TTN: variants seen among roughly 807,000 people sequenced by gnomAD.
TTN encodes titin.
TTN carries 1,525 observed loss-of-function variants against 3,223.0 expected under a neutral mutation model. That is an observed-to-expected ratio of 0.47 (90% confidence interval 0.45 to 0.49). TTN has a LOEUF of 0.49. TTN is among the 20% of genes least tolerant of loss of function. The probability of loss-of-function intolerance (pLI) is 0.00; values close to 1 mark genes in which losing one functional copy is unlikely to be tolerated. For missense variants in TTN, 40,786 were observed against 43,424.0 expected, an observed-to-expected ratio of 0.94 and a Z score of 5.40; for synonymous variants, 14,094 against 15,161.0, an observed-to-expected ratio of 0.93 and a Z score of 5.17.
In TTN at chr2:178,738,147, T is replaced by C; in HGVS notation, c.14306A>G (p.Glu4769Gly). ...ILRTQVVDCG[E>G]YTCKASNEYG... ...CTCATTGGAAGCTTTGCATGTATAC[T>C]CGCCGCAGTCAACCACCTGGGTTCT... The change falls in exon 49 of 363, where the codon GAG becomes GGG. Residue 4769 changes from glutamate (E) to glycine (G), a missense_variant. Coordinates refer to ENST00000589042, the MANE Select transcript of TTN (RefSeq NM_001267550.2). 6.2e-7 allele frequency: 1 copy of C among 1,613,820 alleles called. No homozygotes were observed. Among genetic ancestry groups the C allele is most frequent in the East Asian group, 2.2e-5 (1 of 44,854 alleles).
At chr2:178,627,428 T>G (rs922174307) in intron 240 of TTN, among the ~76,000 whole-genome samples, 2 of 152,036 alleles carry the variant, frequency 1.3e-5, no homozygotes, top group African/African-American at 4.8e-5. Context: ...AGACTTAATT[T>G]AAACAAAATC....
At position 178,591,106 on chromosome 2, in the gene TTN, A is replaced by G; in HGVS notation, c.60619T>C (p.Tyr20207His). Residue 20207 changes from tyrosine (Y) to histidine (H), a missense_variant, in exon 304 of 363, where the codon TAT (tyrosine) becomes CAT (histidine). By Grantham distance (83) the Tyr-to-His change is moderately conservative (BLOSUM62 2). Transcript: ENST00000589042. ...CTTGTATCTTGTTTCTCAACAATAT[A>G]ATTTATCACAGGGCTTCCTCCATCA... ...KDDGGSPVIN[Y>H]IVEKQDTRKD... 6.2e-7 allele frequency: 1 copy of G among 1,613,276 alleles called. No individual in the cohort carries two copies. Among genetic ancestry groups the G allele is most frequent in the Non-Finnish European group, 8.5e-7 (1 of 1,179,530 alleles).
chr2:178,528,860 C>T lies in TTN; in HGVS notation c.106891G>A (p.Ala35631Thr). ...ACCCATTTCACATCAGTGGCACCAG[C>T]AATGTTGGCTTTTAAAACCAGTCTT... ...GQRLVLKANI[A>T]GATDVKWVLN... Residue 35631 changes from alanine to threonine, a missense_variant, in exon 360 of 363, where the codon GCT (alanine) becomes ACT (threonine). Physicochemically the swap from Ala to Thr is moderately conservative, Grantham distance 58. Coordinates refer to ENST00000589042, the MANE Select transcript of TTN (RefSeq NM_001267550.2). 1.2e-6 allele frequency: 2 copies of T among 1,613,990 alleles called. No individual in the cohort carries two copies. Among genetic ancestry groups the T allele is most frequent in the Non-Finnish European group, 8.5e-7 (1 of 1,179,876 alleles).
chr2:178,736,765 G>A (rs894043391), intron 49 of TTN, among the ~76,000 whole-genome samples: 2 of 151,986 alleles, frequency 1.3e-5, no homozygotes, highest in African/African-American at 2.4e-5. Flanking sequence ...ACTTCCAAAC[G>A]CGTCAGTATG....
intron 83 of TTN, 39 bp from the exon 84 acceptor site, chr2:178,719,012 A>C (rs773806319): frequency 6.5e-7 from 1 of 1,534,326 alleles, no homozygotes; most frequent in African/African-American, 1.4e-5. Flanking sequence ...AAAGAGAAGA[A>C]AGAAATCCAA....
rs2075208868 is a variant in TTN at position 178,702,642 on chromosome 2, T to G, written c.30245A>C (p.Lys10082Thr). ...RIEAEPIQFT[K>T]RIQNIVVSEH... ...ACTCACCACGATGTTCTGTATGCGC[T>G]TTGTAAACTGAATTGGTTCAGCTGT... Residue 10082 changes from lysine to threonine, a missense_variant, in exon 107 of 363, where the codon AAG (lysine) becomes ACG (threonine). Coordinates refer to ENST00000589042, the MANE Select transcript of TTN (RefSeq NM_001267550.2). The G allele has an allele frequency of 6.2e-7, 1 of 1,613,364 alleles. No individual in the cohort carries two copies. The highest frequency in any genetic ancestry group is 1.3e-5 in the African/African-American group (1 of 74,900).
intron 6 of TTN, among the ~76,000 whole-genome samples, chr2:178,795,702 C>G (rs2093732785): frequency 6.6e-6 from 1 of 151,956 alleles, no homozygotes; most frequent in African/African-American, 2.4e-5. Flanking sequence ...TTGTGCCACT[C>G]TTGACTAAGC....
Position 178,538,790 on chromosome 2 carries a change from A to G in TTN, c.99039T>C (p.Asp33013=), listed in dbSNP as rs1037997977. 1.1e-5 allele frequency: 18 copies of G among 1,612,480 alleles called. No individual in the cohort carries two copies. The highest frequency in any genetic ancestry group is 9.4e-5 in the African/African-American group (7 of 74,840). ...GTTTCTCCCACTGTAGAGTGACACT[A>G]TCTTTGGATATTGAAAGAATCTCAA... The part of the protein sequence containing the change: ...GELEILSISK[D]SVTLQWEKPE... Residue 33013 remains aspartate, a synonymous_variant, in exon 354 of 363, where the codon GAT becomes GAC. Coordinates refer to ENST00000589042, the MANE Select transcript of TTN (RefSeq NM_001267550.2).
In TTN at chr2:178,535,489, G is replaced by A; in HGVS notation, c.101126C>T (p.Thr33709Ile). 2 of 1,613,876 alleles carry A rather than the reference G, an allele frequency of 1.2e-6. No individual in the cohort carries two copies. Among genetic ancestry groups the A allele is most frequent in the Non-Finnish European group, 1.7e-6 (2 of 1,179,824 alleles). The change falls in exon 358 of 363, where the codon ACA (threonine) becomes ATA (isoleucine). Residue 33709 changes from threonine to isoleucine, a missense_variant. Physicochemically the swap from Thr to Ile is moderately conservative, Grantham distance 89. Transcript: ENST00000589042. ...SDVSRDSVNL[T>I]WTEPASDGGS... ...ACCATCAGAGGCTGGCTCAGTCCAT[G>A]TTAAGTTGACAGAATCTCGTGAGAC... is the stretch of plus-strand genomic sequence containing the variant.
rs1248688465 is a variant in TTN at position 178,541,318 on chromosome 2, G to C, written c.97759C>G (p.Arg32587Gly). The change falls in exon 350 of 363, where the codon CGT becomes GGT. Residue 32587 changes from arginine to glycine, a missense_variant. By Grantham distance (125) the Arg-to-Gly change is moderately radical. Coordinates refer to ENST00000589042, the MANE Select transcript of TTN (RefSeq NM_001267550.2). ...INARGSGKPS[R>G]PSKPIVAMDP... ...ATGGCAACGATGGGTTTGGAAGGAC[G>C]ACTTGGTTTCCCAGACCCTCTTGCA... The C allele has an allele frequency of 6.5e-7, 1 of 1,548,652 alleles. No individual in the cohort carries two copies. The highest frequency in any genetic ancestry group is 1.9e-5 in the Admixed American group (1 of 51,760).
rs746118157 is a variant in TTN at position 178,536,060 on chromosome 2, C to T, written c.100687G>A (p.Asp33563Asn). ...HQLIIASVTD[D>N]DATVYQVRAT... ...CTGACTTGGTAAACTGTGGCATCAT[C>T]ATCTGTGACACTTGCAATGATGAGC... is the stretch of plus-strand genomic sequence containing the variant. Residue 33563 changes from aspartate (D) to asparagine (N), a missense_variant, in exon 357 of 363, where the codon GAT becomes AAT. Asp to Asn is a conservative substitution (Grantham distance 23). Coordinates refer to ENST00000589042, the MANE Select transcript of TTN (RefSeq NM_001267550.2). The T allele has an allele frequency of 1.2e-6, 2 of 1,600,288 alleles. No homozygotes were observed. The highest frequency in any genetic ancestry group is 1.7e-5 in the Admixed American group (1 of 59,440).
Position 178,719,184 on chromosome 2 carries a change from G to A in TTN, c.24206C>T (p.Ser8069Leu), listed in dbSNP as rs751657368. 1.9e-6 allele frequency: 3 copies of A among 1,613,378 alleles called. No homozygotes were observed. Among genetic ancestry groups the A allele is most frequent in the Non-Finnish European group, 8.5e-7 (1 of 1,179,572 alleles). ...AANVAGSDEC[S>L]AVLTVQEPPS... Reference sequence around the variant, plus strand: ...CTGACCTTGCACAGTCAGGACTGCTGAGCACTCATCGGAACCAGCTACATT... The same window carrying A: ...CTGACCTTGCACAGTCAGGACTGCTAAGCACTCATCGGAACCAGCTACATT... The change falls in exon 83 of 363, where the codon TCA becomes TTA. Residue 8069 changes from serine (S) to leucine (L), a missense_variant. Transcript: ENST00000589042.
At chr2:178,781,531 G>C (rs1187011965) in intron 20 of TTN, among the ~76,000 whole-genome samples, 2 of 152,164 alleles carry the variant, frequency 1.3e-5, no homozygotes, top group Non-Finnish European at 2.9e-5. Context: ...CAGTGTTTAT[G>C]TTAGCAAATG....
intron 109 of TTN, 121 bp downstream of exon 109, chr2:178,701,919 A>T: frequency 9.5e-7 from 1 of 1,057,926 alleles, no homozygotes; most frequent in Non-Finnish European, 1.4e-6. Flanking sequence ...TAACAGTTTT[A>T]TTGAAAAATA....
intron 50 of TTN, 86 bp downstream of exon 50, chr2:178,735,425 T>A: frequency 8.0e-7 from 1 of 1,250,854 alleles, no homozygotes; most frequent in Non-Finnish European, 1.1e-6. Flanking sequence ...TAACAAAGTG[T>A]ACTGACTGAA....
In TTN at chr2:178,791,841, C is replaced by T. The variant is rs1192942017; in HGVS notation, c.1662+231G>A. Reference sequence around the variant, plus strand: ...ATGTTCTAGAAAGTTCATAGATGTGCCCTAAACTGTTCTGTAGACAATCTC... The same window carrying T: ...ATGTTCTAGAAAGTTCATAGATGTGTCCTAAACTGTTCTGTAGACAATCTC... On this transcript the variant is annotated intron_variant, in intron 10 of 362. Transcript: ENST00000589042. 6.6e-5 allele frequency among the ~76,000 whole-genome samples: 10 copies of T among 152,002 alleles called. No homozygotes were observed. The Middle Eastern group carries it at 0.01, about 155-fold the overall frequency.
At position 178,678,798 on chromosome 2, in the gene TTN, C is replaced by G; in HGVS notation, c.33775G>C (p.Glu11259Gln). The change falls in exon 143 of 363, where the codon GAG becomes CAG. Residue 11259 changes from glutamate to glutamine, a missense_variant. Coordinates refer to ENST00000589042, the MANE Select transcript of TTN (RefSeq NM_001267550.2). ...PEVPKKPVPE[E>Q]KVPVPVPKKV... ...TTAGGAACTGGTACTGGTACTTTCT[C>G]CTCTGGCACAGGTTTCTTGGGCACT... 2 of 1,603,410 alleles carry G rather than the reference C, an allele frequency of 1.2e-6. No homozygotes were observed. Among genetic ancestry groups the G allele is most frequent in the Non-Finnish European group, 1.7e-6 (2 of 1,176,406 alleles).
rs74176588 is a variant in TTN, at chr2:178,658,134, C to A, written c.37735G>T (p.Ala12579Ser). 3.2e-6 allele frequency: 5 copies of A among 1,575,090 alleles called. No homozygotes were observed. The highest frequency in any genetic ancestry group is 1.4e-5 in the African/African-American group (1 of 70,332). ...GGAGCCACGGGAATTTCTTTTTCTG[C>A]GGCTTCTTGAGGAACTTCTGGCACT... is the stretch of plus-strand genomic sequence containing the variant. ...VTVPEVPQEAAEKEIPVAPPK... is the reference protein window; with the variant it reads ...VTVPEVPQEASEKEIPVAPPK... The change falls in exon 186 of 363, where the codon GCA (alanine) becomes TCA (serine). Residue 12579 changes from alanine (A) to serine (S), a missense_variant. Ala to Ser is a moderately conservative substitution (Grantham distance 99, BLOSUM62 1). Transcript: ENST00000589042.
intron 245 of TTN, 32 bp from the exon 246 acceptor site, chr2:178,621,400 CAT>C (rs772766719): frequency 4.6e-5 from 74 of 1,606,844 alleles, no homozygotes; most frequent in Non-Finnish European, 6.0e-5. Flanking sequence ...ATATTAGAAA[CAT>C]ATGTCTTTGT....
Sources: allele counts gnomAD v4.1 joint callset (sites outside exome capture counted in the v4.1 genomes callset), GRCh38; gene constraint gnomAD v4.1.1; transcripts MANE v1.5; gene names NCBI Gene and HGNC (gene_info 2026-07-23, HGNC 2026-07-21).